PTPRK: variants seen among roughly 807,000 people sequenced by gnomAD.
PTPRK encodes receptor-type tyrosine-protein phosphatase kappa.
In PTPRK, 75 loss-of-function variants were observed where a neutral mutation model predicts 178.0. The ratio of observed to expected loss-of-function variants is 0.42; its 90% CI spans 0.35 to 0.51. PTPRK has a LOEUF of 0.51. Among genes scored for constraint, PTPRK ranks in the 20% least tolerant of loss-of-function variants. The pLI, the probability that PTPRK is intolerant of heterozygous loss-of-function variation, is 0.02. For missense variants in PTPRK, 1,441 were observed against 1,797.8 expected (o/e 0.80, Z 3.59); for synonymous variants, 637 against 620.6 (o/e 1.03, Z -0.39).
intron 7 of PTPRK, among the ~76,000 whole-genome samples, chr6:128,147,271 G>T (rs1035655915): frequency 6.6e-6 from 1 of 152,072 alleles, no homozygotes; most frequent in Non-Finnish European, 1.5e-5. Context: ...ATAATAATCT[G>T]CTTAAAGCTA....
intron 16 of PTPRK, among the ~76,000 whole-genome samples, chr6:127,997,994 T>C (rs1172634232): frequency 6.6e-6 from 1 of 152,122 alleles, no homozygotes; most frequent in Non-Finnish European, 1.5e-5. Context: ...CTTCCTTCCA[T>C]GCCCCAGATT....
At chr6:128,389,938 C>G (rs752362016) in intron 2 of PTPRK, among the ~76,000 whole-genome samples, 9 of 152,052 alleles carry the variant, frequency 5.9e-5, no homozygotes, top group Non-Finnish European at 1.2e-4. Flanking sequence ...AACCAGCCTT[C>G]ATTAAGTGGC....
intron 21 of PTPRK, 98 bp from the exon 22 acceptor site, chr6:127,985,973 T>C: frequency 8.4e-7 from 1 of 1,192,932 alleles, no homozygotes; most frequent in Non-Finnish European, 1.2e-6. Context: ...CTGACAATGA[T>C]AACAATAAAA....
intron 17 of PTPRK, among the ~76,000 whole-genome samples, chr6:127,996,057 A>G (rs916723219): frequency 6.6e-6 from 1 of 152,082 alleles, no homozygotes; most frequent in Non-Finnish European, 1.5e-5. Flanking sequence ...GCAGCTAGTT[A>G]CAAGTTAAAC....
chr6:128,230,264 C>T (rs1318833457), intron 5 of PTPRK, among the ~76,000 whole-genome samples: 1 of 151,972 alleles, frequency 6.6e-6, no homozygotes, highest in Non-Finnish European at 1.5e-5. Flanking sequence ...ATCCTAGGCT[C>T]AACAGATAAA....
chr6:127,980,482 ACT>A (rs949564881), intron 25 of PTPRK, among the ~76,000 whole-genome samples: 3 of 150,762 alleles, frequency 2.0e-5, no homozygotes, highest in African/African-American at 4.9e-5. Context: ...ACAGAGTGAG[ACT>A]CTGTCTAAAA....
chr6:128,427,279 A>T (rs999072397), intron 1 of PTPRK, among the ~76,000 whole-genome samples: 2 of 152,216 alleles, frequency 1.3e-5, no homozygotes, highest in African/African-American at 4.8e-5. Context: ...TATGTAATTT[A>T]GCCAAGTTCA....
At chr6:128,082,416 G>A (rs1284689785) in intron 10 of PTPRK, 21 bp downstream of exon 10, 1 of 1,565,622 alleles carries the variant, frequency 6.4e-7, no homozygotes. Flanking sequence ...AATCCTATTT[G>A]TAATTTATTC....
chr6:128,130,812 C>T (rs904214093), intron 7 of PTPRK, among the ~76,000 whole-genome samples: 2 of 151,842 alleles, frequency 1.3e-5, no homozygotes, highest in Non-Finnish European at 2.9e-5. Context: ...AAAACAGACA[C>T]ATTAAGGAAT....
chr6:128,045,578 C>T (rs980852901), intron 13 of PTPRK, among the ~76,000 whole-genome samples: 10 of 151,752 alleles, frequency 6.6e-5, no homozygotes, highest in Non-Finnish European at 1.0e-4. Context: ...AGAAAAATGA[C>T]CACTCCACAT....
At chr6:128,411,866 C>T (rs191590654) in intron 1 of PTPRK, among the ~76,000 whole-genome samples, 6 of 152,282 alleles carry the variant, frequency 3.9e-5, no homozygotes, top group Admixed American at 3.9e-4. Context: ...GCCTTTCCCA[C>T]ATTATACTTT....
At chr6:128,379,193 G>A (rs1837524327) in intron 2 of PTPRK, among the ~76,000 whole-genome samples, 1 of 151,948 alleles carries the variant, frequency 6.6e-6, no homozygotes, top group Non-Finnish European at 1.5e-5. Context: ...CCAGTTTACT[G>A]GTTCTTCCTT....
chr6:128,445,422 T>C (rs1846873061), intron 1 of PTPRK, among the ~76,000 whole-genome samples: 2 of 149,686 alleles, frequency 1.3e-5, no homozygotes, highest in Admixed American at 1.3e-4. Context: ...TTTTCAGCTT[T>C]AGGCATCATC....
intron 13 of PTPRK, among the ~76,000 whole-genome samples, chr6:128,044,663 T>C (rs1252515870): frequency 6.6e-6 from 1 of 151,896 alleles, no homozygotes; most frequent in Admixed American, 6.6e-5. Context: ...TTTTTTTCCA[T>C]TTAAGTCTCA....
At chr6:128,141,927 C>T (rs572798306) in intron 7 of PTPRK, among the ~76,000 whole-genome samples, 4 of 151,798 alleles carry the variant, frequency 2.6e-5, no homozygotes, top group Admixed American at 2.6e-4. Context: ...GCAGATGGTA[C>T]AATATATTGC....
At chr6:128,205,280 G>A (rs1376470921) in intron 6 of PTPRK, among the ~76,000 whole-genome samples, 3 of 152,116 alleles carry the variant, frequency 2.0e-5, no homozygotes, top group Admixed American at 2.0e-4. Flanking sequence ...ATGCGGGGGA[G>A]GGAGAGCATC....
At chr6:128,470,749 CTTTT>C (rs11361160) in intron 1 of PTPRK, among the ~76,000 whole-genome samples, 22 of 114,216 alleles carry the variant, frequency 1.9e-4, no homozygotes, top group South Asian at 1.2e-3. Flanking sequence ...ATATCTCTCT[CTTTT>C]TTTTTTTTTT....
At position 128,236,441 on chromosome 6, in the gene PTPRK, C is replaced by T. The variant is rs1025917917; in HGVS notation, c.693+3594G>A. ...TCAGCTCACTGCAACCTCCGCCTCC[C>T]GGGTTCAAGCAATTCTTCTGCCTCA... On this transcript the variant is annotated intron_variant, in intron 5 of 29. Coordinates refer to ENST00000368226, the MANE Select transcript of PTPRK (RefSeq NM_002844.4). Among the ~76,000 whole-genome samples the T allele has an allele frequency of 1.2e-3, 175 of 150,994 alleles. 1 individual carries two copies. The highest frequency in any genetic ancestry group is 3.5e-3 in the African/African-American group (145 of 41,098).
intron 7 of PTPRK, among the ~76,000 whole-genome samples, chr6:128,121,057 ATAAG>A (rs1345844509): frequency 6.7e-6 from 1 of 149,188 alleles, no homozygotes; most frequent in African/African-American, 2.6e-5. Flanking sequence ...TCAGCAATAA[ATAAG>A]AGTTGAGAAG....
Sources: gnomAD v4.1 joint callset for allele counts (sites outside exome capture counted in the v4.1 genomes callset) on GRCh38, gnomAD v4.1.1 for gene constraint, MANE v1.5 for transcripts, NCBI Gene and HGNC (gene_info 2026-07-23, HGNC 2026-07-21) for gene names.